The following PLCXD3 variants were observed in gnomAD, a reference collection of about 807,000 sequenced individuals.
PLCXD3 encodes PI-PLC X domain-containing protein 3.
Under a neutral mutation model 25.5 loss-of-function variants are expected in PLCXD3, and 19 were observed. The ratio of observed to expected loss-of-function variants is 0.75; its 90% CI spans 0.52 to 1.09. PLCXD3 has a LOEUF of 1.09. Ranked by LOEUF, PLCXD3 falls within the 50% of genes least tolerant of loss-of-function variation. The pLI is 0.00. For missense variants in PLCXD3, 411 were observed against 388.1 expected (o/e 1.06, Z -0.50); for synonymous variants, 174 against 137.6 (o/e 1.26, Z -1.85).
At chr5:41,492,205 G>C (rs1257351381) in intron 1 of PLCXD3, among the ~76,000 whole-genome samples, 3 of 152,102 alleles carry the variant, frequency 2.0e-5, no homozygotes, top group South Asian at 4.1e-4. Context: ...GCTTAGTTTG[G>C]CTGGATATGA....
chr5:41,365,721 T>G (rs931129255), intron 2 of PLCXD3, among the ~76,000 whole-genome samples: 14 of 152,150 alleles, frequency 9.2e-5, no homozygotes, highest in Non-Finnish European at 1.8e-4. Context: ...ATAAATACCA[T>G]CCTAGTATCA....
rs779740092 is a variant in PLCXD3 at position 41,312,531 on chromosome 5, T to C, written c.*1086A>G. Reference sequence around the variant, plus strand: ...TTGGCAGGAAAGCTTGCAGTCTTTTTCTTCTTCCTTCCTCTCTTCCTCCCT... The same window carrying C: ...TTGGCAGGAAAGCTTGCAGTCTTTTCCTTCTTCCTTCCTCTCTTCCTCCCT... On this transcript the variant is annotated 3_prime_UTR_variant, in exon 3 of 3. Transcript: ENST00000377801. 1.3e-5 allele frequency: 2 copies of C among 151,560 alleles called. No homozygotes were observed. The highest frequency in any genetic ancestry group is 2.9e-5 in the Non-Finnish European group (2 of 67,850). 9.4% of individuals were successfully genotyped at this position (151,560 alleles called of 1,614,324 possible).
At chr5:41,378,638 A>G (rs1049532373) in intron 2 of PLCXD3, among the ~76,000 whole-genome samples, 2 of 152,150 alleles carry the variant, frequency 1.3e-5, no homozygotes, top group African/African-American at 2.4e-5. Flanking sequence ...TTATCTGAAC[A>G]AAATTTAAGT....
chr5:41,484,712 T>A (rs1022173607), intron 1 of PLCXD3, among the ~76,000 whole-genome samples: 9 of 152,164 alleles, frequency 5.9e-5, no homozygotes, highest in Admixed American at 1.3e-4. Flanking sequence ...TAGCCTGCAG[T>A]CTGCACATCT....
At chr5:41,353,088 C>T (rs1190995374) in intron 2 of PLCXD3, among the ~76,000 whole-genome samples, 2 of 149,872 alleles carry the variant, frequency 1.3e-5, no homozygotes. Flanking sequence ...ATGTTGCACA[C>T]TCAGCTTTTT....
Position 41,510,577 on chromosome 5 carries a change from GGCAGGCTGCT to G in PLCXD3, c.-61_-52del, listed in dbSNP as rs754917339. On this transcript the variant is annotated 5_prime_UTR_variant, in exon 1 of 3. Transcript: ENST00000377801. ...GGTCCCAGCACTCCTCGGGCAGGCT[GGCAGGCTGCT>G]GCCGCTAATCCAATGTTTGCTCTAG... The G allele has an allele frequency of 2.3e-5, 33 of 1,453,898 alleles. No individual in the cohort carries two copies. The highest frequency in any genetic ancestry group is 3.2e-5 in the Non-Finnish European group (33 of 1,045,306). The allele number at this position is 1,453,898 out of a possible 1,614,324, so 90.1% of individuals were successfully genotyped here. A position where few individuals can be genotyped will look rare whatever the true frequency, so the allele number is the denominator to read the frequency against.
At chr5:41,413,596 T>C (rs563181161) in intron 1 of PLCXD3, among the ~76,000 whole-genome samples, 53 of 152,356 alleles carry the variant, frequency 3.5e-4, no homozygotes, top group African/African-American at 1.3e-3. Flanking sequence ...TTTTCCATTA[T>C]TTGTTTCTAA....
chr5:41,338,447 G>A (rs533261673), intron 2 of PLCXD3, among the ~76,000 whole-genome samples: 4 of 152,022 alleles, frequency 2.6e-5, no homozygotes, highest in South Asian at 2.1e-4. Context: ...ACTAACATGC[G>A]TGCATGCATG....
At chr5:41,455,901 C>T (rs1429726019) in intron 1 of PLCXD3, among the ~76,000 whole-genome samples, 1 of 151,894 alleles carries the variant, frequency 6.6e-6, no homozygotes, top group African/African-American at 2.4e-5. Context: ...ACAAGAAACA[C>T]AGTTATTGTC....
intron 2 of PLCXD3, among the ~76,000 whole-genome samples, chr5:41,343,509 A>G (rs1267132031): frequency 6.6e-6 from 1 of 152,150 alleles, no homozygotes; most frequent in Non-Finnish European, 1.5e-5. Context: ...GCTAAAATAA[A>G]TGGTCTATTC....
intron 2 of PLCXD3, among the ~76,000 whole-genome samples, chr5:41,355,365 A>G (rs1744588468): frequency 6.6e-6 from 1 of 152,254 alleles, no homozygotes; most frequent in Non-Finnish European, 1.5e-5. Flanking sequence ...TCCAACTAGA[A>G]TAGAGATAAT....
chr5:41,333,105 T>C (rs1053699605), intron 2 of PLCXD3, among the ~76,000 whole-genome samples: 2 of 151,404 alleles, frequency 1.3e-5, no homozygotes, highest in Non-Finnish European at 2.9e-5. Flanking sequence ...AATAATAAAA[T>C]AATATAAAAT....
rs546770604 is a variant in PLCXD3, at chr5:41,410,170, C to T, written c.104-27636G>A. On this transcript the variant is annotated intron_variant, in intron 1 of 2. Transcript: ENST00000377801. ...TTTTTTTTTTTTTGAGACGGAGTCT[C>T]ACTCTGTTGCCCAGGCTGGAGTACA... Among the ~76,000 whole-genome samples, 168 of 145,634 alleles carry T rather than the reference C, an allele frequency of 1.2e-3. 1 individual carries two copies. Among genetic ancestry groups the T allele is most frequent in the Admixed American group, 2.5e-3 (35 of 14,132 alleles).
In PLCXD3 at chr5:41,374,024, C is replaced by T. The variant is rs578087027; in HGVS notation, c.812+7802G>A. Among the ~76,000 whole-genome samples, 3 of 152,174 alleles carry T rather than the reference C, an allele frequency of 2.0e-5. No homozygotes were observed. In the East Asian group the frequency reaches 5.8e-4, roughly 29 times the overall value. ...CAAATATGAACTTGAATCTGGCAGGCCCTGTGGGTAGAGGAGCTGTAGCTT... is the reference window on the plus strand; with the variant it reads ...CAAATATGAACTTGAATCTGGCAGGTCCTGTGGGTAGAGGAGCTGTAGCTT... On this transcript the variant is annotated intron_variant, in intron 2 of 2. Coordinates refer to ENST00000377801, the MANE Select transcript of PLCXD3 (RefSeq NM_001005473.3).
chr5:41,418,384 A>G (rs1018741170), intron 1 of PLCXD3, among the ~76,000 whole-genome samples: 23 of 152,136 alleles, frequency 1.5e-4, no homozygotes, highest in African/African-American at 5.6e-4. Flanking sequence ...TGCTCTCCAT[A>G]TGCAGCTACT....
intron 1 of PLCXD3, among the ~76,000 whole-genome samples, chr5:41,449,652 T>G (rs1254294117): frequency 6.6e-6 from 1 of 152,056 alleles, no homozygotes; most frequent in East Asian, 1.9e-4. Context: ...TTGTGAGAAG[T>G]GGGGTTCCAT....
At chr5:41,503,954 C>A (rs1561292889) in intron 1 of PLCXD3, among the ~76,000 whole-genome samples, 1 of 151,144 alleles carries the variant, frequency 6.6e-6, no homozygotes, top group Non-Finnish European at 1.5e-5. Flanking sequence ...CTTTAAGCAA[C>A]AGGAATTAAA....
intron 1 of PLCXD3, among the ~76,000 whole-genome samples, chr5:41,471,753 A>AAAT (rs1748162789): frequency 6.7e-6 from 1 of 150,258 alleles, no homozygotes; most frequent in Admixed American, 6.7e-5. Flanking sequence ...AACCAAACAA[A>AAAT]AATAATAACT....
intron 2 of PLCXD3, among the ~76,000 whole-genome samples, chr5:41,328,580 C>A (rs767708111): frequency 2.0e-5 from 3 of 152,112 alleles, no homozygotes; most frequent in Non-Finnish European, 2.9e-5. Context: ...CAGCAGGTCC[C>A]AAATTTGGCA....
Sources: gnomAD v4.1 joint callset for allele counts (sites outside exome capture counted in the v4.1 genomes callset) on GRCh38, gnomAD v4.1.1 for gene constraint, MANE v1.5 for transcripts, NCBI Gene and HGNC (gene_info 2026-07-23, HGNC 2026-07-21) for gene names.